ABHD3: variants seen among roughly 807,000 people sequenced by gnomAD.
ABHD3 encodes abhydrolase domain containing 3, phospholipase, also known as phospholipase ABHD3.
ABHD3 carries 46 observed loss-of-function variants against 48.8 expected under a neutral mutation model. The ratio of observed to expected loss-of-function variants is 0.94; its 90% CI spans 0.74 to 1.20. The LOEUF (loss-of-function observed/expected upper bound fraction) is 1.20. ABHD3 is among the 50% of genes most tolerant of loss of function. The probability of loss-of-function intolerance (pLI) is 0.00; values close to 1 mark genes in which losing one functional copy is unlikely to be tolerated. For missense variants in ABHD3, 490 were observed against 497.8 expected, an observed-to-expected ratio of 0.98 and a Z score of 0.15; for synonymous variants, 192 against 183.7, an observed-to-expected ratio of 1.04 and a Z score of -0.36.
chr18:21,654,574 G>A (rs1410234368), intron 8 of ABHD3, among the ~76,000 whole-genome samples: 12 of 152,170 alleles, frequency 7.9e-5, no homozygotes, highest in Non-Finnish European at 1.5e-4. Flanking sequence ...GATCAGGTGT[G>A]GGAACTTAAG....
chr18:21,704,660 C>A lies in ABHD3; in HGVS notation c.6G>T (p.Gln2His). 6.7e-7 allele frequency: 1 copy of A among 1,502,802 alleles called. No individual in the cohort carries two copies. Among genetic ancestry groups the A allele is most frequent in the Non-Finnish European group, 8.9e-7 (1 of 1,127,180 alleles). The allele number at this position is 1,502,802 out of a possible 1,614,324, so 93.1% of individuals were successfully genotyped here. Reference sequence around the variant, plus strand: ...ACATCCGCAGGTCCATGGCCAGGCGCTGCATGGCCCCCGAGCGCGGCGCGC... The same window carrying A: ...ACATCCGCAGGTCCATGGCCAGGCGATGCATGGCCCCCGAGCGCGGCGCGC... M[Q>H]RLAMDLRMLS... The change falls in exon 1 of 9, where the codon CAG becomes CAT. Residue 2 changes from glutamine to histidine, a missense_variant. Transcript: ENST00000289119.
At chr18:21,665,884 T>C (rs968482949) in intron 4 of ABHD3, among the ~76,000 whole-genome samples, 2 of 152,038 alleles carry the variant, frequency 1.3e-5, no homozygotes, top group Non-Finnish European at 2.9e-5. Flanking sequence ...TTGTAGCTCA[T>C]TTCTAACTGG....
At chr18:21,695,912 C>G (rs2040359350) in intron 3 of ABHD3, among the ~76,000 whole-genome samples, 2 of 152,086 alleles carry the variant, frequency 1.3e-5, no homozygotes, top group African/African-American at 4.8e-5. Context: ...TTTGCAGCCC[C>G]AAAATACTTA....
rs150444354 is a variant in ABHD3 at position 21,697,881 on chromosome 18, T to C, written c.509+4435A>G. On this transcript the variant is annotated intron_variant, in intron 3 of 8. Coordinates refer to ENST00000289119, the MANE Select transcript of ABHD3 (RefSeq NM_138340.5). ...TAAACCATTATGTCTCCTTTGACCA[T>C]ACGCTGGGAGTTAGGTTCTCTCTAA... Among the ~76,000 whole-genome samples the C allele has an allele frequency of 9.6e-4, 146 of 152,258 alleles. 2 individuals are homozygous for C. The highest frequency in any genetic ancestry group is 6.6e-3 in the East Asian group (34 of 5,184).
At chr18:21,656,827 C>T in intron 8 of ABHD3, 34 bp downstream of exon 8, 1 of 1,510,758 alleles carries the variant, frequency 6.6e-7, no homozygotes, top group Non-Finnish European at 8.9e-7. Context: ...AAAGTTGATT[C>T]ATGTCAAAAT....
intron 4 of ABHD3, among the ~76,000 whole-genome samples, chr18:21,678,490 A>C (rs2039937789): frequency 6.6e-6 from 1 of 152,078 alleles, no homozygotes; most frequent in Non-Finnish European, 1.5e-5. Flanking sequence ...CCTATAACTA[A>C]AAATAGCTTT....
intron 3 of ABHD3, among the ~76,000 whole-genome samples, chr18:21,692,392 T>C (rs1191554190): frequency 1.3e-5 from 2 of 152,192 alleles, no homozygotes; most frequent in African/African-American, 2.4e-5. Flanking sequence ...TAGGATAACC[T>C]ATATATAATG....
chr18:21,689,842 T>C (rs1288896549), intron 3 of ABHD3, among the ~76,000 whole-genome samples: 2 of 152,052 alleles, frequency 1.3e-5, no homozygotes, highest in African/African-American at 4.8e-5. Flanking sequence ...GAAGTTTGAG[T>C]GCAGCCAAGT....
chr18:21,654,537 A>T (rs1267906529), intron 8 of ABHD3, among the ~76,000 whole-genome samples: 1 of 152,214 alleles, frequency 6.6e-6, no homozygotes, highest in African/African-American at 2.4e-5. Context: ...CCAAGAAAGA[A>T]CACCTAAAAG....
intron 3 of ABHD3, among the ~76,000 whole-genome samples, chr18:21,684,738 A>C (rs2040092548): frequency 6.6e-6 from 1 of 152,214 alleles, no homozygotes; most frequent in African/African-American, 2.4e-5. Context: ...AGGCTCAGCA[A>C]ACATGGACAC....
At chr18:21,673,500 G>C (rs979240730) in intron 4 of ABHD3, 1 of 152,298 alleles carries the variant, frequency 6.6e-6, no homozygotes, top group African/African-American at 2.4e-5. Context: ...CTCCATGTTG[G>C]TCAGGCTGGT....
chr18:21,655,219 A>G (rs924058334), intron 8 of ABHD3: 5 of 152,028 alleles, frequency 3.3e-5, no homozygotes, highest in African/African-American at 4.8e-5. Context: ...TATAGTCAGA[A>G]TCATTTTTTA....
rs556783051 is a variant in ABHD3 at position 21,677,440 on chromosome 18, C to T, written c.555+6480G>A. ...CAGGATGGTCTCGATCTCCTGATCT[C>T]GTGACCCGCCCGCCTGGGCACTCCC... On this transcript the variant is annotated intron_variant, in intron 4 of 8. Coordinates refer to ENST00000289119, the MANE Select transcript of ABHD3 (RefSeq NM_138340.5). Among the ~76,000 whole-genome samples the T allele has an allele frequency of 7.9e-5, 12 of 151,040 alleles. 1 individual carries two copies. The South Asian group carries it at 1.7e-3, about 21-fold the overall frequency.
intron 3 of ABHD3, among the ~76,000 whole-genome samples, chr18:21,686,147 A>C (rs2040124638): frequency 6.6e-6 from 1 of 152,234 alleles, no homozygotes; most frequent in Non-Finnish European, 1.5e-5. Flanking sequence ...CTGGCCAGAG[A>C]AATCTTAAAT....
At chr18:21,699,053 G>A (rs1478326637) in intron 3 of ABHD3, among the ~76,000 whole-genome samples, 2 of 151,890 alleles carry the variant, frequency 1.3e-5, no homozygotes, top group African/African-American at 4.8e-5. Flanking sequence ...CGTGTCTTAA[G>A]ATTCCTGAGT....
intron 4 of ABHD3, among the ~76,000 whole-genome samples, chr18:21,670,232 G>T (rs1035309909): frequency 2.0e-5 from 3 of 151,640 alleles, no homozygotes; most frequent in African/African-American, 7.2e-5. Flanking sequence ...CCCAGTCACA[G>T]AGATGCAGGA....
intron 8 of ABHD3, among the ~76,000 whole-genome samples, chr18:21,652,803 C>T (rs545590437): frequency 1.3e-5 from 2 of 151,696 alleles, no homozygotes; most frequent in African/African-American, 4.8e-5. Context: ...GCCTGTCATC[C>T]CAGCACTTTG....
intron 4 of ABHD3, among the ~76,000 whole-genome samples, chr18:21,673,357 G>A (rs562423889): frequency 6.6e-6 from 1 of 151,032 alleles, no homozygotes; most frequent in African/African-American, 2.4e-5. Context: ...GCAGTGGCAC[G>A]ATCTCAGGTC....
chr18:21,686,920 CTTCTTT>C (rs1284692162), intron 3 of ABHD3, among the ~76,000 whole-genome samples: 1 of 152,120 alleles, frequency 6.6e-6, no homozygotes, highest in African/African-American at 2.4e-5. Context: ...TTAACCTCTT[CTTCTTT>C]TTTTCTTTAG....
Sources: gnomAD v4.1 joint callset for allele counts (sites outside exome capture counted in the v4.1 genomes callset) on GRCh38, gnomAD v4.1.1 for gene constraint, MANE v1.5 for transcripts, NCBI Gene and HGNC (gene_info 2026-07-23, HGNC 2026-07-21) for gene names.